Variants in FSTL4 observed in about 807,000 individuals in gnomAD.
The protein encoded by FSTL4 is follistatin-related protein 4.
A neutral mutation model predicts 78.2 loss-of-function variants in FSTL4; 28 were observed. The observed-to-expected ratio is 0.36, with a 90% confidence interval of 0.27 to 0.49. FSTL4 has a LOEUF of 0.49. Among genes scored for constraint, FSTL4 ranks in the 20% least tolerant of loss-of-function variants. The pLI is 0.98. For missense variants in FSTL4, 922 were observed against 1,084.9 expected (o/e 0.85, Z 2.11); for synonymous variants, 422 against 440.5 (o/e 0.96, Z 0.53).
intron 4 of FSTL4, among the ~76,000 whole-genome samples, chr5:133,385,943 TA>T: frequency 6.6e-6 from 1 of 152,226 alleles, no homozygotes; most frequent in Admixed American, 6.5e-5. Context: ...GTTTTTTTTT[TA>T]AATTATACAT....
At chr5:133,472,551 A>G (rs1043522669) in intron 3 of FSTL4, among the ~76,000 whole-genome samples, 5 of 152,224 alleles carry the variant, frequency 3.3e-5, no homozygotes, top group African/African-American at 1.2e-4. Context: ...ATGGAGGGTA[A>G]AAAAGGAGAA....
chr5:133,437,517 T>G (rs1757062065), intron 3 of FSTL4, among the ~76,000 whole-genome samples: 1 of 123,690 alleles, frequency 8.1e-6, no homozygotes, highest in African/African-American at 3.2e-5. Context: ...TGAGATAGAG[T>G]CTCACCCTGT....
the FSTL4 span, among the ~76,000 whole-genome samples, chr5:133,733,571 C>G: frequency 6.6e-6 from 1 of 152,148 alleles, no homozygotes; most frequent in Non-Finnish European, 1.5e-5. Flanking sequence ...GTGGGACATT[C>G]TGTAAAACAA....
At chr5:133,221,897 T>TG (rs1561626676) in intron 11 of FSTL4, among the ~76,000 whole-genome samples, 1 of 73,880 alleles carries the variant, frequency 1.4e-5, no homozygotes, top group East Asian at 3.3e-4. Context: ...TCTAGTTTTT[T>TG]TTTTTTTTTT....
intron 4 of FSTL4, among the ~76,000 whole-genome samples, chr5:133,359,886 G>T (rs1027621316): frequency 6.6e-6 from 1 of 152,194 alleles, no homozygotes; most frequent in African/African-American, 2.4e-5. Context: ...AGCCAAGGAG[G>T]CCAGGGCAGG....
chr5:133,217,310 G>A lies in FSTL4; in HGVS notation c.1527C>T (p.Val509=), dbSNP rs1422589212. ...GGGCCACATAGATGTACCGGTTCCG[G>A]ACATTGACTGCAGATACCCACTGGC... is the stretch of plus-strand genomic sequence containing the variant. The part of the protein sequence containing the change: ...QPCQWVSAVN[V]RNRYIYVAQP... Residue 509 remains valine (V), a synonymous_variant, in exon 13 of 16, where the codon GTC becomes GTT. Coordinates refer to ENST00000265342, the MANE Select transcript of FSTL4 (RefSeq NM_015082.2). 4.3e-6 allele frequency: 7 copies of A among 1,613,982 alleles called. No individual in the cohort carries two copies. Among genetic ancestry groups the A allele is most frequent in the Non-Finnish European group, 5.9e-6 (7 of 1,179,878 alleles).
chr5:133,641,453 G>A, the FSTL4 span, among the ~76,000 whole-genome samples: 1 of 152,106 alleles, frequency 6.6e-6, no homozygotes, highest in Non-Finnish European at 1.5e-5. Context: ...TTTCTTTGCT[G>A]AGAGGCACTT....
At chr5:133,828,824 A>G in the FSTL4 span, among the ~76,000 whole-genome samples, 13 of 152,358 alleles carry the variant, frequency 8.5e-5, no homozygotes, top group African/African-American at 2.9e-4. Flanking sequence ...AAGATGATGC[A>G]AAATAACAAG....
At chr5:133,825,934 G>T in the FSTL4 span, among the ~76,000 whole-genome samples, 1 of 152,222 alleles carries the variant, frequency 6.6e-6, no homozygotes, top group African/African-American at 2.4e-5. Flanking sequence ...ATCCCCGGCT[G>T]CTATTTATAA....
At chr5:133,241,904 A>G (rs1219375275) in intron 7 of FSTL4, among the ~76,000 whole-genome samples, 2 of 152,226 alleles carry the variant, frequency 1.3e-5, no homozygotes, top group Non-Finnish European at 1.5e-5. Context: ...GACACTCCAG[A>G]GAGGATTTAA....
chr5:133,811,301 G>T, the FSTL4 span, among the ~76,000 whole-genome samples: 2 of 152,176 alleles, frequency 1.3e-5, no homozygotes, highest in Admixed American at 6.5e-5. Context: ...TCAAGGTTTG[G>T]TTTCATACCT....
At chr5:133,304,198 C>T (rs1753609481) in intron 6 of FSTL4, among the ~76,000 whole-genome samples, 1 of 152,210 alleles carries the variant, frequency 6.6e-6, no homozygotes, top group Non-Finnish European at 1.5e-5. Context: ...CAATATGGTG[C>T]TATCCTGGTA....
At chr5:133,763,451 C>T in the FSTL4 span, among the ~76,000 whole-genome samples, 6 of 152,216 alleles carry the variant, frequency 3.9e-5, no homozygotes, top group African/African-American at 7.2e-5. Context: ...TAATTCCCTT[C>T]GTGCATTTAT....
At chr5:133,344,966 C>G (rs914579043) in intron 4 of FSTL4, among the ~76,000 whole-genome samples, 1 of 147,136 alleles carries the variant, frequency 6.8e-6, no homozygotes, top group Admixed American at 6.7e-5. Context: ...TCCATGCCCC[C>G]ACTTTTTTTT....
the FSTL4 span, among the ~76,000 whole-genome samples, chr5:133,812,422 T>A: frequency 2.0e-5 from 3 of 152,202 alleles, no homozygotes; most frequent in Non-Finnish European, 4.4e-5. Flanking sequence ...CATCCCCAGT[T>A]CCTATCACAC....
chr5:133,567,777 A>C (rs1380240573), intron 2 of FSTL4, among the ~76,000 whole-genome samples: 1 of 152,252 alleles, frequency 6.6e-6, no homozygotes, highest in East Asian at 1.9e-4. Flanking sequence ...GGACTAAATT[A>C]AGCCCTTGGG....
chr5:133,664,034 G>A, the FSTL4 span, among the ~76,000 whole-genome samples: 1 of 147,564 alleles, frequency 6.8e-6, no homozygotes, highest in African/African-American at 2.6e-5. Flanking sequence ...TGTACTGTAT[G>A]AGTGTGGGGG....
chr5:133,606,019 G>A (rs1760969564), intron 1 of FSTL4, among the ~76,000 whole-genome samples: 1 of 152,166 alleles, frequency 6.6e-6, no homozygotes, highest in Non-Finnish European at 1.5e-5. Flanking sequence ...TCTTGATCCA[G>A]TGATCTAGCT....
the FSTL4 span, among the ~76,000 whole-genome samples, chr5:133,810,978 A>G: frequency 1.3e-5 from 2 of 152,174 alleles, no homozygotes; most frequent in Non-Finnish European, 2.9e-5. Context: ...AAAGAAAATT[A>G]TTTGGGGGCT....
Sources: gnomAD v4.1 joint callset for allele counts (sites outside exome capture counted in the v4.1 genomes callset) on GRCh38, gnomAD v4.1.1 for gene constraint, MANE v1.5 for transcripts, NCBI Gene and HGNC (gene_info 2026-07-23, HGNC 2026-07-21) for gene names.